EPHA6: variants seen among roughly 807,000 people sequenced by gnomAD.
EPHA6 encodes ephrin type-A receptor 6.
In EPHA6, 50 loss-of-function variants were observed where a neutral mutation model predicts 112.0. The ratio of observed to expected loss-of-function variants is 0.45; its 90% CI spans 0.36 to 0.56. EPHA6 has a LOEUF of 0.56. EPHA6 is among the 20% of genes least tolerant of loss of function. The pLI, the probability that EPHA6 is intolerant of heterozygous loss-of-function variation, is 0.00. For synonymous variants in EPHA6, 529 were observed against 490.7 expected, an observed-to-expected ratio of 1.08 and a Z score of -1.03; for missense variants, 1,280 against 1,417.4, an observed-to-expected ratio of 0.90 and a Z score of 1.56.
At chr3:96,894,277 A>C (rs970723396) in intron 2 of EPHA6, among the ~76,000 whole-genome samples, 2 of 152,176 alleles carry the variant, frequency 1.3e-5, no homozygotes, top group Non-Finnish European at 2.9e-5. Flanking sequence ...AGTTGCTGCT[A>C]TGCCAGTGAA....
chr3:96,871,546 T>C (rs2036623101), intron 2 of EPHA6, among the ~76,000 whole-genome samples: 1 of 152,046 alleles, frequency 6.6e-6, no homozygotes, highest in East Asian at 1.9e-4. Context: ...TTTTGTGCCT[T>C]TGTTTACTTA....
At chr3:96,959,227 T>C (rs1024459941) in intron 2 of EPHA6, among the ~76,000 whole-genome samples, 1 of 152,198 alleles carries the variant, frequency 6.6e-6, no homozygotes, top group East Asian at 1.9e-4. Flanking sequence ...GGTTTTATAT[T>C]TTGGTTTTGA....
In EPHA6 at chr3:96,839,616, G is replaced by T. The variant is rs560316562; in HGVS notation, c.385+24608G>T. On this transcript the variant is annotated intron_variant, in intron 1 of 17. Transcript: ENST00000389672. ...TGAGAAATAATATTAATATTAATAA[G>T]AATTAATATTTTAGAATGCTTACCC... 6.1e-4 allele frequency among the ~76,000 whole-genome samples: 92 copies of T among 151,974 alleles called. 1 individual carries two copies. Among genetic ancestry groups the T allele is most frequent in the Middle Eastern group, 3.4e-3 (1 of 292 alleles).
rs551220087 is a variant in EPHA6, at chr3:97,110,168, AT to A, written c.1115-116092del. Among the ~76,000 whole-genome samples, 280 of 152,268 alleles carry A rather than the reference AT, an allele frequency of 1.8e-3. 2 individuals carry two copies. The highest frequency in any genetic ancestry group is 6.3e-3 in the African/African-American group (260 of 41,574). On this transcript the variant is annotated intron_variant, in intron 3 of 17. Coordinates refer to ENST00000389672, the MANE Select transcript of EPHA6 (RefSeq NM_001080448.3). ...ACCATTCTGTGAAAAAGATGAAATTATTTTCATTCATAGGGATAAAGTGACT... is the reference window on the plus strand; with the variant it reads ...ACCATTCTGTGAAAAAGATGAAATTATTTCATTCATAGGGATAAAGTGACT...
intron 2 of EPHA6, among the ~76,000 whole-genome samples, chr3:96,944,679 T>C (rs2041159106): frequency 6.6e-6 from 1 of 152,218 alleles, no homozygotes; most frequent in African/African-American, 2.4e-5. Context: ...TAACTCGATA[T>C]TACCTATCTT....
intron 11 of EPHA6, among the ~76,000 whole-genome samples, chr3:97,547,548 GAT>G (rs2092970892): frequency 6.6e-6 from 1 of 152,194 alleles, no homozygotes; most frequent in Non-Finnish European, 1.5e-5. Flanking sequence ...CCTGTTCTCA[GAT>G]CTCAAGCTGC....
chr3:97,442,780 C>A (rs998379552), intron 6 of EPHA6, among the ~76,000 whole-genome samples: 4 of 151,980 alleles, frequency 2.6e-5, no homozygotes, highest in African/African-American at 9.7e-5. Flanking sequence ...CTATGTGTAC[C>A]CAGGTAGAAC....
intron 2 of EPHA6, among the ~76,000 whole-genome samples, chr3:96,947,538 A>G (rs1308666353): frequency 1.3e-5 from 2 of 152,274 alleles, no homozygotes; most frequent in African/African-American, 2.4e-5. Context: ...CCATTGGTCT[A>G]TATCTCTGTT....
intron 12 of EPHA6, chr3:97,606,072 C>G (rs775185177): frequency 6.6e-6 from 1 of 151,338 alleles, no homozygotes; most frequent in African/African-American, 2.4e-5. Flanking sequence ...GCAATTTAGA[C>G]GTTAATTCTG....
chr3:96,824,552 T>TTTCA (rs2033514900), intron 1 of EPHA6, among the ~76,000 whole-genome samples: 1 of 151,978 alleles, frequency 6.6e-6, no homozygotes. Context: ...AAATGAAATA[T>TTTCA]TTTGACACCT....
At chr3:97,240,473 C>CG (rs1238908104) in intron 4 of EPHA6, among the ~76,000 whole-genome samples, 1 of 151,660 alleles carries the variant, frequency 6.6e-6, no homozygotes, top group Non-Finnish European at 1.5e-5. Flanking sequence ...TCAGATATTT[C>CG]GGTGAAATTT....
rs916825283 is a variant in EPHA6 at position 97,202,395 on chromosome 3, G to C, written c.1115-23869G>C. Among the ~76,000 whole-genome samples, 24 of 151,302 alleles carry C rather than the reference G, an allele frequency of 1.6e-4. 1 individual carries two copies. Among genetic ancestry groups the C allele is most frequent in the Non-Finnish European group, 2.8e-4 (19 of 67,854 alleles). ...AGATGGAGTCTCGCTCTGTCACTCA[G>C]GCTAGAGTACAGGCACCATCTTGGC... On this transcript the variant is annotated intron_variant, in intron 3 of 17. Coordinates refer to ENST00000389672, the MANE Select transcript of EPHA6 (RefSeq NM_001080448.3).
intron 14 of EPHA6, among the ~76,000 whole-genome samples, chr3:97,659,725 G>T (rs1214140254): frequency 2.0e-5 from 3 of 151,948 alleles, no homozygotes; most frequent in Non-Finnish European, 2.9e-5. Flanking sequence ...AATAGCAATT[G>T]CAGGCACTAC....
chr3:97,365,967 A>G (rs1032944211), intron 5 of EPHA6, among the ~76,000 whole-genome samples: 4 of 151,988 alleles, frequency 2.6e-5, no homozygotes, highest in African/African-American at 9.7e-5. Context: ...GTGGAGTAAA[A>G]CTCTTAACTG....
At chr3:97,559,071 A>C (rs944904851) in intron 11 of EPHA6, among the ~76,000 whole-genome samples, 5 of 152,082 alleles carry the variant, frequency 3.3e-5, no homozygotes, top group African/African-American at 1.2e-4. Context: ...CATAGCATGC[A>C]TAAAGATGAA....
chr3:97,338,348 C>T (rs2083153324), intron 5 of EPHA6, among the ~76,000 whole-genome samples: 1 of 152,024 alleles, frequency 6.6e-6, no homozygotes, highest in African/African-American at 2.4e-5. Context: ...CTAAGATAAG[C>T]CCTTTGATAC....
chr3:97,558,348 A>T (rs901321774), intron 11 of EPHA6, among the ~76,000 whole-genome samples: 3 of 152,170 alleles, frequency 2.0e-5, no homozygotes, highest in Non-Finnish European at 4.4e-5. Context: ...TTCCAAAGAC[A>T]GTCTCAGGAT....
intron 16 of EPHA6, among the ~76,000 whole-genome samples, chr3:97,738,085 C>A (rs1380047223): frequency 6.6e-6 from 1 of 151,946 alleles, no homozygotes; most frequent in Non-Finnish European, 1.5e-5. Context: ...ATTTTCAATA[C>A]AGTTGCATAA....
At chr3:96,944,466 T>G (rs1387449469) in intron 2 of EPHA6, among the ~76,000 whole-genome samples, 2 of 152,208 alleles carry the variant, frequency 1.3e-5, no homozygotes, top group African/African-American at 4.8e-5. Context: ...GAATTTGTAT[T>G]TCAAGGCTTG....
Sources: allele counts gnomAD v4.1 joint callset (sites outside exome capture counted in the v4.1 genomes callset), GRCh38; gene constraint gnomAD v4.1.1; transcripts MANE v1.5; gene names NCBI Gene and HGNC (gene_info 2026-07-23, HGNC 2026-07-21).